The following RDX variants were observed in gnomAD, a reference collection of about 807,000 sequenced individuals.
RDX encodes the protein radixin, also known as deafness, autosomal recessive 24.
In RDX, 32 loss-of-function variants were observed where a neutral mutation model predicts 83.7. That is an observed-to-expected ratio of 0.38 (90% CI 0.29 to 0.51). The LOEUF (loss-of-function observed/expected upper bound fraction) is 0.51, where lower values mean the gene tolerates loss of function less well. Among genes scored for constraint, RDX ranks in the 20% least tolerant of loss-of-function variants. RDX has a pLI of 0.87. For missense variants in RDX, 600 were observed against 689.9 expected, an observed-to-expected ratio of 0.87 and a Z score of 1.46; for synonymous variants, 229 against 222.7, an observed-to-expected ratio of 1.03 and a Z score of -0.25.
chr11:110,229,542 TG>T lies in RDX; in HGVS notation c.*2326del, dbSNP rs1308412512. On this transcript the variant is annotated 3_prime_UTR_variant, in exon 14 of 14. Transcript: ENST00000645495. ...ATTGTACAACACAAAATTATGCTAATGGTAAAAGCCTACTGGGATTTACCAA... is the reference window on the plus strand; with the variant it reads ...ATTGTACAACACAAAATTATGCTAATGTAAAAGCCTACTGGGATTTACCAA... The T allele has an allele frequency of 6.6e-6, 1 of 152,488 alleles. No individual in the cohort carries two copies. Among genetic ancestry groups the T allele is most frequent in the Non-Finnish European group, 1.5e-5 (1 of 67,900 alleles). 9.4% of individuals were successfully genotyped at this position (152,488 alleles called of 1,614,324 possible).
chr11:110,289,078 A>G (rs1336689932), intron 1 of RDX, among the ~76,000 whole-genome samples: 1 of 152,038 alleles, frequency 6.6e-6, no homozygotes, highest in Non-Finnish European at 1.5e-5. Context: ...ATCTCTACCA[A>G]AAATAAAAAA....
intron 14 of RDX, among the ~76,000 whole-genome samples, chr11:110,201,956 T>TG (rs1565288339): frequency 1.3e-5 from 2 of 148,160 alleles, no homozygotes; most frequent in East Asian, 2.0e-4. Flanking sequence ...TGTGTGTGTG[T>TG]TTTCAGTAGA....
chr11:110,264,007 C>G lies in RDX; in HGVS notation c.420G>C (p.Glu140Asp). The G allele has an allele frequency of 6.2e-7, 1 of 1,613,744 alleles. No homozygotes were observed. Residue 140 changes from glutamate (E) to aspartate (D), a missense_variant, in exon 5 of 14, where the codon GAG becomes GAC. Coordinates refer to ENST00000645495, the MANE Select transcript of RDX (RefSeq NM_002906.4). ...VQAKYGDYNK[E>D]IHKPGYLAND... ...TAGCCAGGTAGCCTGGCTTATGAAT[C>G]TCTTTATTGTAATCTCCATACTTGG... is the stretch of plus-strand genomic sequence containing the variant.
At chr11:110,253,185 C>T (rs1293998314) in intron 9 of RDX, among the ~76,000 whole-genome samples, 3 of 151,964 alleles carry the variant, frequency 2.0e-5, no homozygotes, top group Non-Finnish European at 4.4e-5. Flanking sequence ...ATACAAAGTA[C>T]CTTATATCCA....
chr11:110,200,814 G>T (rs1416450984), intron 14 of RDX, among the ~76,000 whole-genome samples: 1 of 152,140 alleles, frequency 6.6e-6, no homozygotes, highest in Non-Finnish European at 1.5e-5. Context: ...TGGTTCAATA[G>T]TACCTGAAAT....
At chr11:110,275,973 C>G (rs552130665) in intron 2 of RDX, among the ~76,000 whole-genome samples, 1 of 151,636 alleles carries the variant, frequency 6.6e-6, no homozygotes, top group African/African-American at 2.4e-5. Flanking sequence ...TTAGTATAAA[C>G]GGGCCAGTAT....
chr11:110,219,401 C>T (rs1350345966), intron 14 of RDX, among the ~76,000 whole-genome samples: 10 of 152,206 alleles, frequency 6.6e-5, no homozygotes, highest in Admixed American at 6.5e-4. Flanking sequence ...AGATGGGAAA[C>T]CTCCGAAGGA....
intron 14 of RDX, among the ~76,000 whole-genome samples, chr11:110,220,706 C>T (rs1375585046): frequency 6.6e-6 from 1 of 152,012 alleles, no homozygotes; most frequent in African/African-American, 2.4e-5. Context: ...CCATGTTGGC[C>T]AGGCTGGTCT....
chr11:110,203,186 T>G (rs1863477238), intron 14 of RDX, among the ~76,000 whole-genome samples: 1 of 152,068 alleles, frequency 6.6e-6, no homozygotes. Flanking sequence ...CCATAAAGAA[T>G]AATGAGATCC....
At chr11:110,258,222 T>C (rs369378441) in intron 5 of RDX, 33 bp from the exon 6 acceptor site, 9 of 1,341,550 alleles carry the variant, frequency 6.7e-6, no homozygotes, top group African/African-American at 1.5e-5. Flanking sequence ...AAAATTATAA[T>C]GACTTTAAGA....
At chr11:110,256,952 T>C (rs1443621339) in intron 7 of RDX, among the ~76,000 whole-genome samples, 4 of 152,100 alleles carry the variant, frequency 2.6e-5, no homozygotes, top group Admixed American at 6.5e-5. Flanking sequence ...GAATAAAGAA[T>C]AATGCCTTAG....
chr11:110,251,060 A>C (rs1297701134), intron 9 of RDX, among the ~76,000 whole-genome samples: 1 of 152,096 alleles, frequency 6.6e-6, no homozygotes, highest in East Asian at 1.9e-4. Context: ...TCTTCTTCTG[A>C]ACGTATCTCT....
At chr11:110,255,867 C>T (rs979981929) in intron 7 of RDX, among the ~76,000 whole-genome samples, 2 of 151,870 alleles carry the variant, frequency 1.3e-5, no homozygotes, top group Non-Finnish European at 2.9e-5. Context: ...TGGATATTCA[C>T]GAATATACTA....
chr11:110,201,718 T>C (rs1415024692), intron 14 of RDX, among the ~76,000 whole-genome samples: 2 of 152,106 alleles, frequency 1.3e-5, no homozygotes, highest in Admixed American at 1.3e-4. Context: ...TTAGAATATA[T>C]AATAAGGGAC....
At chr11:110,208,069 C>T (rs995528682) in intron 14 of RDX, among the ~76,000 whole-genome samples, 1 of 151,728 alleles carries the variant, frequency 6.6e-6, no homozygotes, top group African/African-American at 2.4e-5. Context: ...GGTCTCCCGC[C>T]TTGGCCTACC....
intron 15 of RDX, chr11:110,179,903 CTTTTTT>C (rs528601645): frequency 1.9e-5 from 7 of 363,716 alleles, no homozygotes; most frequent in Middle Eastern, 8.1e-4. Context: ...TTTCTTTTTT[CTTTTTT>C]TTTTTTTTTT....
In RDX at chr11:110,286,370, T is replaced by C. The variant is rs148983421; in HGVS notation, c.-64-6614A>G. Among the ~76,000 whole-genome samples, 15 of 152,288 alleles carry C rather than the reference T, an allele frequency of 9.8e-5. No individual in the cohort carries two copies. The East Asian group carries it at 2.1e-3, about 22-fold the overall frequency. On this transcript the variant is annotated intron_variant, in intron 1 of 13. Transcript: ENST00000645495. ...ACAGTGCCACACATTAGAGACAACA[T>C]AGACACAATAAACATTCTCTCCTTT...
At chr11:110,197,871 T>G (rs1446389932) in intron 15 of RDX, among the ~76,000 whole-genome samples, 3 of 151,930 alleles carry the variant, frequency 2.0e-5, no homozygotes, top group Non-Finnish European at 4.4e-5. Flanking sequence ...TCAAAGAGAG[T>G]GAGAGCAAAT....
Position 110,232,049 on chromosome 11 carries a change from A to G in RDX, c.1588-16T>C, listed in dbSNP as rs778864192. 3 of 1,588,998 alleles carry G rather than the reference A, an allele frequency of 1.9e-6. No individual in the cohort carries two copies. Among genetic ancestry groups the G allele is most frequent in the African/African-American group, 1.3e-5 (1 of 74,586 alleles). On this transcript the variant is annotated splice_polypyrimidine_tract_variant and intron_variant, in intron 13 of 13. Coordinates refer to ENST00000645495, the MANE Select transcript of RDX (RefSeq NM_002906.4). Reference sequence around the variant, plus strand: ...AACTTAATGCCTATTTAAAAAATAAAAAGTACAACTATTATTTTTTTCTTA... The same window carrying G: ...AACTTAATGCCTATTTAAAAAATAAGAAGTACAACTATTATTTTTTTCTTA...
Sources: allele counts gnomAD v4.1 joint callset (sites outside exome capture counted in the v4.1 genomes callset), GRCh38; gene constraint gnomAD v4.1.1; transcripts MANE v1.5; gene names NCBI Gene and HGNC (gene_info 2026-07-23, HGNC 2026-07-21).